Variants in LRSAM1 observed in about 807,000 individuals in gnomAD.
The protein encoded by LRSAM1 is leucine rich repeat and sterile alpha motif containing 1, also known as E3 ubiquitin-protein ligase LRSAM1.
In LRSAM1, 96 loss-of-function variants were observed where a neutral mutation model predicts 118.1. That is an observed-to-expected ratio of 0.81 (90% confidence interval 0.69 to 0.96). The LOEUF is 0.96. Among genes scored for constraint, LRSAM1 ranks in the 40% least tolerant of loss-of-function variants. The pLI is 0.00. For synonymous variants in LRSAM1, 322 were observed against 364.2 expected, an observed-to-expected ratio of 0.88 and a Z score of 1.32; for missense variants, 804 against 915.5, an observed-to-expected ratio of 0.88 and a Z score of 1.57.
Position 127,475,047 on chromosome 9 carries a change from TTTA to T in LRSAM1, c.750+1140_750+1142del, listed in dbSNP as rs149765084. On this transcript the variant is annotated intron_variant, in intron 11 of 25. Coordinates refer to ENST00000300417, the MANE Select transcript of LRSAM1 (RefSeq NM_001005373.4). ...CTGCTGCTGGGAATGCATTTGGGAT[TTTA>T]TTATTATTATTATTATTATTATTTT... is the stretch of plus-strand genomic sequence containing the variant. 1.9e-4 allele frequency among the ~76,000 whole-genome samples: 28 copies of T among 149,262 alleles called. No homozygotes were observed. In the East Asian group the frequency reaches 2.1e-3, roughly 11 times the overall value.
chr9:127,499,653 G>A (rs552917918), intron 24 of LRSAM1, among the ~76,000 whole-genome samples: 10 of 152,170 alleles, frequency 6.6e-5, no homozygotes, highest in East Asian at 1.9e-4. Flanking sequence ...AGTTGTGGCC[G>A]GGTGCGGTGC....
At chr9:127,490,138 GTGGGGC>G (rs548978792) in intron 19 of LRSAM1, among the ~76,000 whole-genome samples, 3 of 152,086 alleles carry the variant, frequency 2.0e-5, no homozygotes, top group African/African-American at 7.2e-5. Flanking sequence ...CGCCTGTGGA[GTGGGGC>G]TGGGGCTGGG....
At chr9:127,489,999 C>T (rs1167123923) in intron 19 of LRSAM1, among the ~76,000 whole-genome samples, 9 of 152,200 alleles carry the variant, frequency 5.9e-5, no homozygotes, top group Non-Finnish European at 8.8e-5. Flanking sequence ...TGAAAAGTGA[C>T]CTCGGCCCAG....
chr9:127,471,392 G>A (rs1835160323), intron 10 of LRSAM1, among the ~76,000 whole-genome samples: 1 of 148,966 alleles, frequency 6.7e-6, no homozygotes, highest in Non-Finnish European at 1.5e-5. Flanking sequence ...GATTGCTTGA[G>A]CCTAAGAAGT....
Position 127,455,061 on chromosome 9 carries a change from T to C in LRSAM1, c.129+7T>C. 1 of 1,613,890 alleles carries C rather than the reference T, an allele frequency of 6.2e-7. No homozygotes were observed. Among genetic ancestry groups the C allele is most frequent in the Non-Finnish European group, 8.5e-7 (1 of 1,179,774 alleles). On this transcript the variant is annotated splice_region_variant and intron_variant, in intron 4 of 25. Transcript: ENST00000300417. ...TAAATGTGAGCTCTCAGAGGTAAAC[T>C]GAGGATAGTGTTGGGCTGTGAATTG... is the stretch of plus-strand genomic sequence containing the variant.
intron 7 of LRSAM1, among the ~76,000 whole-genome samples, chr9:127,460,144 C>T (rs1333627818): frequency 3.3e-5 from 5 of 152,056 alleles, no homozygotes; most frequent in Admixed American, 2.0e-4. Flanking sequence ...GAATTACAGG[C>T]GCCCACCACT....
intron 11 of LRSAM1, among the ~76,000 whole-genome samples, chr9:127,476,036 G>A (rs762301665): frequency 5.3e-5 from 8 of 152,138 alleles, no homozygotes; most frequent in Non-Finnish European, 8.8e-5. Context: ...CACCACACCC[G>A]CCAGATGTCA....
chr9:127,471,574 G>A (rs1728800213), intron 10 of LRSAM1, among the ~76,000 whole-genome samples: 1 of 150,982 alleles, frequency 6.6e-6, no homozygotes, highest in African/African-American at 2.4e-5. Flanking sequence ...ATCACCTGAG[G>A]TCGGGAGTTC....
At chr9:127,485,690 A>T in intron 16 of LRSAM1, 46 bp from the exon 17 acceptor site, 1 of 1,590,638 alleles carries the variant, frequency 6.3e-7, no homozygotes, top group Non-Finnish European at 8.6e-7. Flanking sequence ...CAGGTGCCCC[A>T]GGAGCAGCCA....
intron 2 of LRSAM1, 92 bp from the exon 3 acceptor site, chr9:127,454,404 C>T: frequency 1.1e-6 from 1 of 941,482 alleles, no homozygotes; most frequent in Non-Finnish European, 1.7e-6. Flanking sequence ...TCCAGCAGAC[C>T]AGCTGCATGC....
At position 127,482,938 on chromosome 9, in the gene LRSAM1, AT is replaced by A; in HGVS notation, c.1089-5del. 6.4e-7 allele frequency: 1 copy of A among 1,552,436 alleles called. No homozygotes were observed. The highest frequency in any genetic ancestry group is 1.2e-5 in the South Asian group (1 of 84,108). ...TTAAATTTGCTGAATGAATGGATGG[AT>A]TTTTTTCTAGAATAAGAATGGAACA... On this transcript the variant is annotated splice_polypyrimidine_tract_variant and intron_variant, in intron 15 of 25. Transcript: ENST00000300417.
intron 11 of LRSAM1, among the ~76,000 whole-genome samples, chr9:127,474,345 G>A (rs1315240422): frequency 6.6e-6 from 1 of 150,576 alleles, no homozygotes; most frequent in African/African-American, 2.5e-5. Context: ...ATAGCTCGCT[G>A]CAGCCTTAAC....
Position 127,458,969 on chromosome 9 carries a change from C to T in LRSAM1, c.253-34C>T, listed in dbSNP as rs1305354126. ...GAGCCCGGAGTCTGAGGGACTTTCT[C>T]ACTTGGAGACTCACAGGGGTCTTTC... On this transcript the variant is annotated intron_variant, in intron 6 of 25. Transcript: ENST00000300417. The T allele has an allele frequency of 3.7e-6, 6 of 1,611,188 alleles. No individual in the cohort carries two copies. The African/African-American group carries it at 6.7e-5, about 18-fold the overall frequency.
intron 20 of LRSAM1, among the ~76,000 whole-genome samples, chr9:127,491,585 G>A (rs1385768682): frequency 6.6e-6 from 1 of 152,232 alleles, no homozygotes. Flanking sequence ...TGTGTCTCCT[G>A]TGCTGGGTGC....
Position 127,502,767 on chromosome 9 carries a change from TC to T in LRSAM1, c.2047-3del. 4 of 1,485,354 alleles carry T rather than the reference TC, an allele frequency of 2.7e-6. No homozygotes were observed. Among genetic ancestry groups the T allele is most frequent in the Non-Finnish European group, 3.6e-6 (4 of 1,099,674 alleles). 92.0% of individuals were successfully genotyped at this position (1,485,354 alleles called of 1,614,324 possible). A position where few individuals can be genotyped will look rare whatever the true frequency, so the allele number is the denominator to read the frequency against. On this transcript the variant is annotated splice_polypyrimidine_tract_variant and splice_region_variant and intron_variant, in intron 25 of 25. Coordinates refer to ENST00000300417, the MANE Select transcript of LRSAM1 (RefSeq NM_001005373.4). The stretch of plus-strand genomic sequence containing the variant: ...GCCAGCCACATGCTCCCGCTCTCCC[TC>T]CCCAGGCCCAGATGATCTTCCTCAA...
chr9:127,457,247 C>G (rs1483158820), intron 5 of LRSAM1, 69 bp from the exon 6 acceptor site: 4 of 1,580,514 alleles, frequency 2.5e-6, no homozygotes, highest in African/African-American at 1.3e-5. Flanking sequence ...GGGCTGGCTC[C>G]CACGCCCTTA....
chr9:127,483,629 C>T (rs933127582), intron 16 of LRSAM1, among the ~76,000 whole-genome samples: 1 of 152,008 alleles, frequency 6.6e-6, no homozygotes, highest in Non-Finnish European at 1.5e-5. Context: ...GTAAAATATG[C>T]ATCATGTAAA....
At position 127,481,231 on chromosome 9, in the gene LRSAM1, A is replaced by G. The variant is rs1293660557; in HGVS notation, c.1088+4A>G. 1.2e-6 allele frequency: 2 copies of G among 1,612,850 alleles called. No individual in the cohort carries two copies. The highest frequency in any genetic ancestry group is 1.7e-5 in the Admixed American group (1 of 59,962). ...TGAAATCGCTGGAAAATGAAAGGTAAGTGTTCTTCCAGGGGAGGGCAGCAT... is the reference window on the plus strand; with the variant it reads ...TGAAATCGCTGGAAAATGAAAGGTAGGTGTTCTTCCAGGGGAGGGCAGCAT... On this transcript the variant is annotated splice_donor_region_variant and intron_variant, in intron 15 of 25. Coordinates refer to ENST00000300417, the MANE Select transcript of LRSAM1 (RefSeq NM_001005373.4).
intron 11 of LRSAM1, among the ~76,000 whole-genome samples, chr9:127,477,761 G>T (rs936643869): frequency 8.2e-6 from 1 of 122,210 alleles, no homozygotes; most frequent in Admixed American, 8.1e-5. Context: ...GAAAAAACTT[G>T]TGTGGGCCGG....
Sources: allele counts gnomAD v4.1 joint callset (sites outside exome capture counted in the v4.1 genomes callset), GRCh38; gene constraint gnomAD v4.1.1; transcripts MANE v1.5; gene names NCBI Gene and HGNC (gene_info 2026-07-23, HGNC 2026-07-21).